Variants in CRYBG2 observed in about 807,000 individuals in gnomAD.
CRYBG2 encodes crystallin beta-gamma domain containing 2.
A neutral mutation model predicts 153.4 loss-of-function variants in CRYBG2; 106 were observed. The observed-to-expected ratio is 0.69, with a 90% confidence interval of 0.59 to 0.81. The LOEUF (loss-of-function observed/expected upper bound fraction) is 0.81. Among genes scored for constraint, CRYBG2 ranks in the 30% least tolerant of loss-of-function variants. The pLI is 0.00. For synonymous variants in CRYBG2, 851 were observed against 877.8 expected, an observed-to-expected ratio of 0.97 and a Z score of 0.54; for missense variants, 1,996 against 2,112.0, an observed-to-expected ratio of 0.95 and a Z score of 1.08.
chr1:26,326,390 T>A (rs2073927215), intron 17 of CRYBG2, among the ~76,000 whole-genome samples: 1 of 151,646 alleles, frequency 6.6e-6, no homozygotes, highest in Non-Finnish European at 1.5e-5. Context: ...ACAAAAAAAT[T>A]AGCCGGGCAT....
At chr1:26,326,286 C>G (rs1037216464) in intron 17 of CRYBG2, among the ~76,000 whole-genome samples, 5 of 151,912 alleles carry the variant, frequency 3.3e-5, no homozygotes, top group African/African-American at 1.2e-4. Context: ...ACCTGTAAAC[C>G]CAGCACTTTG....
At chr1:26,340,647 T>C (rs1396316549) in intron 5 of CRYBG2, among the ~76,000 whole-genome samples, 3 of 152,140 alleles carry the variant, frequency 2.0e-5, no homozygotes, top group Non-Finnish European at 4.4e-5. Flanking sequence ...AGTTTTGCTC[T>C]TGTTGCCCAG....
In CRYBG2 at chr1:26,345,304, T is replaced by C; in HGVS notation, c.1354A>G (p.Asn452Asp). ...TGGGTAAAGGGGAGGACAGGGACAT[T>C]TTCAGAGTTCTGAACAAACTTATTC... ...PRNKFVQNSE[N>D]VPVLPFTQRE... The change falls in exon 2 of 20, where the codon AAT (asparagine) becomes GAT (aspartate). Residue 452 changes from asparagine (N) to aspartate (D), a missense_variant. Coordinates refer to ENST00000308182, the MANE Select transcript of CRYBG2 (RefSeq NM_001039775.4). 1 of 1,613,560 alleles carries C rather than the reference T, an allele frequency of 6.2e-7. No homozygotes were observed. The highest frequency in any genetic ancestry group is 8.5e-7 in the Non-Finnish European group (1 of 1,179,868).
At chr1:26,324,477 C>T (rs570512693) in intron 17 of CRYBG2, among the ~76,000 whole-genome samples, 167 bp from the exon 18 acceptor site, 417 of 143,604 alleles carry the variant, frequency 2.9e-3, no homozygotes, top group Non-Finnish European at 4.8e-3. Context: ...CACACACATA[C>T]GGAGAGCACA....
At chr1:26,330,239 C>T (rs2073983052) in intron 15 of CRYBG2, among the ~76,000 whole-genome samples, 1 of 152,186 alleles carries the variant, frequency 6.6e-6, no homozygotes, top group Admixed American at 6.5e-5. Context: ...AAGGTAGAAG[C>T]TATTATTATC....
chr1:26,337,751 C>T (rs2124705181), intron 8 of CRYBG2, 77 bp from the exon 9 acceptor site: 39 of 1,561,794 alleles, frequency 2.5e-5, no homozygotes, highest in Non-Finnish European at 3.4e-5. Flanking sequence ...TGCCCAGCAT[C>T]AGGCCAATGT....
intron 17 of CRYBG2, chr1:26,326,885 T>C: frequency 6.1e-6 from 3 of 492,120 alleles, no homozygotes; most frequent in South Asian, 4.3e-5. Flanking sequence ...TCTTATGAGA[T>C]TGTCCAAAAC....
Position 26,345,440 on chromosome 1 carries a change from GGGCAGGACGGT to G in CRYBG2, c.1207_1217del (p.Thr403HisfsTer39). The G allele has an allele frequency of 6.2e-7, 1 of 1,604,490 alleles. No individual in the cohort carries two copies. Among genetic ancestry groups the G allele is most frequent in the Non-Finnish European group, 8.5e-7 (1 of 1,174,560 alleles). ...CTGTCACATGCTCGCTCCTCACCAT[GGGCAGGACGGT>G]GGCAGCAGGGGGGTCCACGGGCCCG... On this transcript the variant is annotated frameshift_variant, in exon 2 of 20. Coordinates refer to ENST00000308182, the MANE Select transcript of CRYBG2 (RefSeq NM_001039775.4). LOFTEE classifies it high-confidence loss of function.
chr1:26,327,361 G>C (rs1570168522), intron 17 of CRYBG2, among the ~76,000 whole-genome samples: 1 of 152,038 alleles, frequency 6.6e-6, no homozygotes, highest in East Asian at 1.9e-4. Flanking sequence ...CCAGCTACTT[G>C]GGAGTCTGAC....
intron 17 of CRYBG2, among the ~76,000 whole-genome samples, chr1:26,326,501 G>A (rs1023547520): frequency 6.7e-6 from 1 of 149,500 alleles, no homozygotes; most frequent in African/African-American, 2.5e-5. Context: ...TCATGCCACT[G>A]CACTCCTGCC....
At position 26,322,146 on chromosome 1, in the gene CRYBG2, C is replaced by A; in HGVS notation, c.4897+18G>T. 6.2e-7 allele frequency: 1 copy of A among 1,608,902 alleles called. No individual in the cohort carries two copies. Among genetic ancestry groups the A allele is most frequent in the Non-Finnish European group, 8.5e-7 (1 of 1,175,752 alleles). On this transcript the variant is annotated intron_variant, in intron 19 of 19. Coordinates refer to ENST00000308182, the MANE Select transcript of CRYBG2 (RefSeq NM_001039775.4). ...TCAGCCCCCTCAGGAGCCCTCTTCCCCATACATCCCACCTTACCCTTCACG... is the reference window on the plus strand; with the variant it reads ...TCAGCCCCCTCAGGAGCCCTCTTCCACATACATCCCACCTTACCCTTCACG...
chr1:26,326,918 A>G (rs949355565), intron 17 of CRYBG2: 2 of 491,238 alleles, frequency 4.1e-6, no homozygotes, highest in South Asian at 1.5e-5. Context: ...AGGAGGGCCT[A>G]TGGTGGTTCC....
chr1:26,322,344 C>T, intron 18 of CRYBG2, 21 bp from the exon 19 acceptor site: 1 of 1,602,900 alleles, frequency 6.2e-7, no homozygotes, highest in East Asian at 2.2e-5. Context: ...AGGAGGTCAT[C>T]AGGCATTGTT....
chr1:26,345,081 G>A lies in CRYBG2; in HGVS notation c.1577C>T (p.Pro526Leu). The change falls in exon 2 of 20, where the codon CCC becomes CTC. Residue 526 changes from proline to leucine, a missense_variant. Transcript: ENST00000308182. ...QGSSAPAALF[P>L]TWKEVVKGPG... is the part of the protein sequence containing the mutation. ...GCCCTTCACGACCTCTTTCCAGGTGGGGAACAAGGCAGCAGGAGCACTGGA... is the reference window on the plus strand; with the variant it reads ...GCCCTTCACGACCTCTTTCCAGGTGAGGAACAAGGCAGCAGGAGCACTGGA... 1 of 291,176 alleles carries A rather than the reference G, an allele frequency of 3.4e-6. No homozygotes were observed. Among genetic ancestry groups the A allele is most frequent in the East Asian group, 4.4e-5 (1 of 22,974 alleles). 18.0% of individuals were successfully genotyped at this position (291,176 alleles called of 1,614,324 possible). A position where few individuals can be genotyped will look rare whatever the true frequency, so the allele number is the denominator to read the frequency against.
chr1:26,353,939 G>T, intron 1 of CRYBG2, 97 bp downstream of exon 1: 1 of 398,912 alleles, frequency 2.5e-6, no homozygotes, highest in South Asian at 1.3e-4. Context: ...GGTCCTGAAT[G>T]AATGGGCCTA....
chr1:26,349,772 A>G (rs898999714), intron 1 of CRYBG2, among the ~76,000 whole-genome samples: 1 of 149,814 alleles, frequency 6.7e-6, no homozygotes, highest in Non-Finnish European at 1.5e-5. Flanking sequence ...TAATGGTTTA[A>G]TGGATTAATG....
In CRYBG2 at chr1:26,328,343, CA is replaced by C; in HGVS notation, c.4455-12del. The C allele has an allele frequency of 6.4e-7, 1 of 1,564,724 alleles. No individual in the cohort carries two copies. On this transcript the variant is annotated splice_polypyrimidine_tract_variant and intron_variant, in intron 16 of 19. Coordinates refer to ENST00000308182, the MANE Select transcript of CRYBG2 (RefSeq NM_001039775.4). ...TCACATAGCACCCAACTGGGCCCAG[CA>C]GGTGTCAGGGACACAGAGAAGAGCA...
At position 26,344,538 on chromosome 1, in the gene CRYBG2, G is replaced by A. The variant is rs2074179534; in HGVS notation, c.2120C>T (p.Ala707Val). The A allele has an allele frequency of 1.9e-5, 29 of 1,545,568 alleles. No individual in the cohort carries two copies. Among genetic ancestry groups the A allele is most frequent in the Non-Finnish European group, 2.4e-5 (27 of 1,146,890 alleles). The change falls in exon 2 of 20, where the codon GCC becomes GTC. Residue 707 changes from alanine to valine, a missense_variant. Ala to Val is a moderately conservative substitution (Grantham distance 64, BLOSUM62 0). Transcript: ENST00000308182. ...EVVQDPDALP[A>V]PSSSVDRVSP... Reference sequence around the variant, plus strand: ...CACCCTGTCCACTGAGGAAGATGGGGCAGGGAGAGCATCAGGGTCCTGCAC... The same window carrying A: ...CACCCTGTCCACTGAGGAAGATGGGACAGGGAGAGCATCAGGGTCCTGCAC...
rs1411845352 is a variant in CRYBG2 at position 26,345,269 on chromosome 1, G to A, written c.1389C>T (p.Val463=). 4.3e-6 allele frequency: 7 copies of A among 1,612,662 alleles called. No homozygotes were observed. Among genetic ancestry groups the A allele is most frequent in the African/African-American group, 2.7e-5 (2 of 74,984 alleles). ...VPVLPFTQRE[V]VKGPGAPAAS... ...CAGCAGGAGCACCGGGGCCCTTCAC[G>A]ACCTCCCTCTGGGTAAAGGGGAGGA... The change falls in exon 2 of 20, where the codon GTC becomes GTT. Residue 463 remains valine, a synonymous_variant. Coordinates refer to ENST00000308182, the MANE Select transcript of CRYBG2 (RefSeq NM_001039775.4).
Sources: gnomAD v4.1 joint callset for allele counts (sites outside exome capture counted in the v4.1 genomes callset) on GRCh38, gnomAD v4.1.1 for gene constraint, MANE v1.5 for transcripts, NCBI Gene and HGNC (gene_info 2026-07-23, HGNC 2026-07-21) for gene names.